The following LIN7A variants were observed in gnomAD, a reference collection of about 807,000 sequenced individuals.
LIN7A encodes the protein protein lin-7 homolog A.
Under a neutral mutation model 29.8 loss-of-function variants are expected in LIN7A, and 25 were observed. The ratio of observed to expected loss-of-function variants is 0.84; its 90% CI spans 0.61 to 1.17. LIN7A has a LOEUF of 1.17. Ranked by LOEUF, LIN7A falls within the 50% of genes most tolerant of loss-of-function variation. LIN7A has a pLI of 0.00. For missense variants in LIN7A, 239 were observed against 287.0 expected, an observed-to-expected ratio of 0.83 and a Z score of 1.21; for synonymous variants, 118 against 107.5, an observed-to-expected ratio of 1.10 and a Z score of -0.60.
At chr12:80,915,445 C>A (rs979472241) in intron 1 of LIN7A, among the ~76,000 whole-genome samples, 2 of 152,154 alleles carry the variant, frequency 1.3e-5, no homozygotes, top group South Asian at 2.1e-4. Context: ...ACAGTCCAGC[C>A]GTTCTGGAGA....
chr12:80,853,316 A>G (rs1459384492), intron 2 of LIN7A, among the ~76,000 whole-genome samples: 1 of 145,196 alleles, frequency 6.9e-6, no homozygotes, highest in Non-Finnish European at 1.5e-5. Flanking sequence ...AACCAAAAAG[A>G]TAGCCTAAAA....
chr12:80,875,972 G>C (rs1037170698), intron 2 of LIN7A, among the ~76,000 whole-genome samples: 1 of 151,722 alleles, frequency 6.6e-6, no homozygotes, highest in Non-Finnish European at 1.5e-5. Context: ...AACAGAATTG[G>C]AATCAACATG....
intron 1 of LIN7A, among the ~76,000 whole-genome samples, chr12:80,927,663 T>C (rs1877677449): frequency 6.6e-6 from 1 of 152,206 alleles, no homozygotes; most frequent in Admixed American, 6.5e-5. Context: ...TAACTACCAA[T>C]GGTGTCTCAG....
intron 5 of LIN7A, among the ~76,000 whole-genome samples, chr12:80,800,726 G>A (rs1238405105): frequency 6.6e-6 from 1 of 151,902 alleles, no homozygotes; most frequent in African/African-American, 2.4e-5. Flanking sequence ...TAGAAGCAGA[G>A]CGAATATTTC....
At chr12:80,807,063 G>GTTTTTTTTTTGTTTTTTTTTTTTTTTTT (rs1871029199) in intron 5 of LIN7A, among the ~76,000 whole-genome samples, 3 of 53,588 alleles carry the variant, frequency 5.6e-5, no homozygotes, top group African/African-American at 8.7e-5. Flanking sequence ...TGAAGATGGA[G>GTTTTTTTTTTGTTTTTTTTTTTTTTTTT]TTTTTTTTTT....
chr12:80,868,182 G>A (rs574496317), intron 2 of LIN7A, among the ~76,000 whole-genome samples: 1 of 152,156 alleles, frequency 6.6e-6, no homozygotes, highest in African/African-American at 2.4e-5. Flanking sequence ...GAGGCCATCT[G>A]CCTAGTACCA....
At chr12:80,885,987 T>C (rs1245451202) in intron 2 of LIN7A, among the ~76,000 whole-genome samples, 1 of 152,136 alleles carries the variant, frequency 6.6e-6, no homozygotes, top group Non-Finnish European at 1.5e-5. Context: ...AATTTATGTT[T>C]TACAATCTTG....
At chr12:80,816,438 TCA>T (rs896673544) in intron 4 of LIN7A, among the ~76,000 whole-genome samples, 6 of 150,088 alleles carry the variant, frequency 4.0e-5, no homozygotes, top group Non-Finnish European at 7.4e-5. Context: ...ATATACACAC[TCA>T]CACACACACA....
intron 4 of LIN7A, among the ~76,000 whole-genome samples, chr12:80,819,229 TA>T (rs1398810964): frequency 3.9e-5 from 6 of 152,214 alleles, no homozygotes; most frequent in Non-Finnish European, 8.8e-5. Context: ...GTATGCACAG[TA>T]AAGGAAAAAA....
chr12:80,868,475 G>A (rs1469323022), intron 2 of LIN7A, among the ~76,000 whole-genome samples: 5 of 152,174 alleles, frequency 3.3e-5, no homozygotes, highest in Admixed American at 2.6e-4. Flanking sequence ...GGCTGAGTCG[G>A]GAGACTTGTT....
rs1870297650 is a variant in LIN7A at position 80,793,393 on chromosome 12, A to G, written c.*4334T>C. 6.6e-6 allele frequency: 1 copy of G among 152,206 alleles called. No individual in the cohort carries two copies. Among genetic ancestry groups the G allele is most frequent in the African/African-American group, 2.4e-5 (1 of 41,460 alleles). The allele number at this position is 152,206 out of a possible 1,614,324, so 9.4% of individuals were successfully genotyped here. The stretch of plus-strand genomic sequence containing the variant: ...GCATTTTTGAGCAGTGGTTTTAGAA[A>G]AGCAAGCTCACACAAATCTGTGCAG... On this transcript the variant is annotated 3_prime_UTR_variant, in exon 6 of 6. Coordinates refer to ENST00000552864, the MANE Select transcript of LIN7A (RefSeq NM_004664.4).
intron 4 of LIN7A, among the ~76,000 whole-genome samples, chr12:80,839,901 T>G (rs1872734725): frequency 6.6e-6 from 1 of 152,252 alleles, no homozygotes; most frequent in Admixed American, 6.5e-5. Flanking sequence ...CTGTATACAC[T>G]GTATAGACAA....
chr12:80,935,820 G>T (rs1224208729), intron 1 of LIN7A: 3 of 493,830 alleles, frequency 6.1e-6, no homozygotes, highest in Non-Finnish European at 1.3e-5. Context: ...GTAGAGTTTG[G>T]CTGTGAACAA....
At chr12:80,923,246 A>C (rs1015123421) in intron 1 of LIN7A, among the ~76,000 whole-genome samples, 10 of 152,120 alleles carry the variant, frequency 6.6e-5, no homozygotes, top group African/African-American at 2.2e-4. Flanking sequence ...CCAGCAACTC[A>C]TTGGGGTTCT....
intron 5 of LIN7A, among the ~76,000 whole-genome samples, chr12:80,798,217 G>A (rs1870544472): frequency 1.3e-5 from 2 of 152,102 alleles, no homozygotes; most frequent in Non-Finnish European, 2.9e-5. Context: ...AACAGAGTAG[G>A]CAATTACCTC....
intron 4 of LIN7A, among the ~76,000 whole-genome samples, chr12:80,832,330 T>C (rs1326598193): frequency 1.3e-5 from 2 of 152,154 alleles, no homozygotes; most frequent in Non-Finnish European, 2.9e-5. Flanking sequence ...ATAAATCTTA[T>C]TAGCAGTCTG....
At chr12:80,816,074 T>A (rs1871516492) in intron 4 of LIN7A, among the ~76,000 whole-genome samples, 1 of 152,158 alleles carries the variant, frequency 6.6e-6, no homozygotes, top group Non-Finnish European at 1.5e-5. Context: ...TGCTTCTATC[T>A]TTAGCTGATA....
At position 80,815,192 on chromosome 12, in the gene LIN7A, A is replaced by G. The variant is rs563777383; in HGVS notation, c.484-3509T>C. Among the ~76,000 whole-genome samples, 64 of 152,082 alleles carry G rather than the reference A, an allele frequency of 4.2e-4. 1 individual carries two copies. The highest frequency in any genetic ancestry group is 7.4e-4 in the Non-Finnish European group (50 of 67,996). On this transcript the variant is annotated intron_variant, in intron 4 of 5. Coordinates refer to ENST00000552864, the MANE Select transcript of LIN7A (RefSeq NM_004664.4). ...GTACATATGCTTGTCTCCTTAACCT[A>G]TTATTTATCTCTGGAGTGCTTTTAG...
At chr12:80,900,235 G>A (rs543538075) in intron 1 of LIN7A, among the ~76,000 whole-genome samples, 1 of 152,094 alleles carries the variant, frequency 6.6e-6, no homozygotes, top group Admixed American at 6.6e-5. Context: ...TTGATCTTTT[G>A]TCTGGTTTTT....
Sources: gnomAD v4.1 joint callset for allele counts (sites outside exome capture counted in the v4.1 genomes callset) on GRCh38, gnomAD v4.1.1 for gene constraint, MANE v1.5 for transcripts, NCBI Gene and HGNC (gene_info 2026-07-23, HGNC 2026-07-21) for gene names.